The following MATCAP2 variants were observed in gnomAD, a reference collection of about 807,000 sequenced individuals.
MATCAP2 encodes putative tyrosine carboxypeptidase MATCAP2.
chr7:36,357,649 C>G, the MATCAP2 span: 1 of 1,271,652 alleles, frequency 7.9e-7, no homozygotes, highest in Non-Finnish European at 1.1e-6. Context: ...ATGAAGCAAA[C>G]TGTTTATTAG....
the MATCAP2 span, among the ~76,000 whole-genome samples, chr7:36,330,399 C>T: frequency 6.6e-6 from 1 of 151,880 alleles, no homozygotes; most frequent in East Asian, 1.9e-4. Flanking sequence ...CTGCCCAGCC[C>T]GAGTCTTAAC....
At chr7:36,332,594 A>G in the MATCAP2 span, among the ~76,000 whole-genome samples, 8 of 152,202 alleles carry the variant, frequency 5.3e-5, no homozygotes, top group Admixed American at 5.2e-4. Context: ...ACCATCACTA[A>G]TTTGAGTAAG....
At chr7:36,350,538 T>C in the MATCAP2 span, among the ~76,000 whole-genome samples, 7 of 141,978 alleles carry the variant, frequency 4.9e-5, no homozygotes, top group African/African-American at 1.8e-4. Context: ...GTTCCTTTTT[T>C]TTTTTTTTTT....
the MATCAP2 span, among the ~76,000 whole-genome samples, chr7:36,379,835 C>CAG: frequency 1.5e-5 from 2 of 134,196 alleles, no homozygotes; most frequent in Admixed American, 8.1e-5. Context: ...CACACACACA[C>CAG]ACACACACAC....
the MATCAP2 span, among the ~76,000 whole-genome samples, chr7:36,371,228 C>T: frequency 6.6e-6 from 1 of 152,132 alleles, no homozygotes; most frequent in African/African-American, 2.4e-5. Context: ...ACCTAAGCCT[C>T]AGCCTCCCAA....
At chr7:36,364,262 A>AT in the MATCAP2 span, among the ~76,000 whole-genome samples, 2 of 151,930 alleles carry the variant, frequency 1.3e-5, no homozygotes, top group East Asian at 1.9e-4. Flanking sequence ...TAATTTTTTA[A>AT]TTTTTTGTAG....
chr7:36,350,544 T>G, the MATCAP2 span, among the ~76,000 whole-genome samples: 3 of 151,078 alleles, frequency 2.0e-5, no homozygotes, highest in South Asian at 4.2e-4. Context: ...TTTTTTTTTT[T>G]TTTTTTTTGA....
At chr7:36,364,868 T>A in the MATCAP2 span, among the ~76,000 whole-genome samples, 1 of 152,212 alleles carries the variant, frequency 6.6e-6, no homozygotes, top group African/African-American at 2.4e-5. Flanking sequence ...AATGACCCAG[T>A]TATTTTTAAA....
the MATCAP2 span, chr7:36,334,041 CTG>C: frequency 6.2e-7 from 1 of 1,614,180 alleles, no homozygotes; most frequent in Non-Finnish European, 8.5e-7. Context: ...AAACAGAACA[CTG>C]TGAATGCTTG....
the MATCAP2 span, among the ~76,000 whole-genome samples, chr7:36,331,309 C>A: frequency 1.3e-5 from 2 of 152,126 alleles, no homozygotes; most frequent in African/African-American, 4.8e-5. Flanking sequence ...CCTCACACAT[C>A]CTCCCCGTTA....
chr7:36,390,188 C>G, the MATCAP2 span: 1 of 1,413,440 alleles, frequency 7.1e-7, no homozygotes, highest in Non-Finnish European at 9.7e-7. Context: ...CCGGGGTCGC[C>G]GCGGCTGCGG....
At chr7:36,377,327 T>C in the MATCAP2 span, among the ~76,000 whole-genome samples, 14 of 152,166 alleles carry the variant, frequency 9.2e-5, no homozygotes, top group Non-Finnish European at 1.6e-4. Context: ...ATTTGTTTGT[T>C]TATAAAGGAT....
At chr7:36,353,387 G>C in the MATCAP2 span, among the ~76,000 whole-genome samples, 1 of 151,854 alleles carries the variant, frequency 6.6e-6, no homozygotes, top group Non-Finnish European at 1.5e-5. Context: ...GCTGTTTTTT[G>C]TTGGCAAAGC....
the MATCAP2 span, among the ~76,000 whole-genome samples, chr7:36,362,250 C>T: frequency 6.6e-6 from 1 of 152,166 alleles, no homozygotes; most frequent in South Asian, 2.1e-4. Context: ...AATTCAATAG[C>T]AACCAATGTA....
At chr7:36,339,528 A>C in the MATCAP2 span, among the ~76,000 whole-genome samples, 26 of 152,320 alleles carry the variant, frequency 1.7e-4, no homozygotes, top group Admixed American at 1.5e-3. Context: ...GTGCATGTAA[A>C]ATGTGAGAGG....
chr7:36,331,639 AC>A, the MATCAP2 span, among the ~76,000 whole-genome samples: 1 of 152,352 alleles, frequency 6.6e-6, no homozygotes, highest in East Asian at 1.9e-4. Context: ...AACAACTAGA[AC>A]TAGATTTTGG....
the MATCAP2 span, among the ~76,000 whole-genome samples, chr7:36,348,933 C>T: frequency 1.3e-5 from 2 of 152,186 alleles, no homozygotes; most frequent in South Asian, 4.1e-4. Context: ...CCAGGAACTG[C>T]GCTCAATTCT....
chr7:36,364,044 CTT>C, the MATCAP2 span, among the ~76,000 whole-genome samples: 31 of 140,432 alleles, frequency 2.2e-4, no homozygotes, highest in Admixed American at 5.7e-4. Flanking sequence ...ATAATAAACC[CTT>C]TTTTTTTTTT....
the MATCAP2 span, chr7:36,367,405 C>T: frequency 6.5e-6 from 6 of 928,412 alleles, no homozygotes; most frequent in African/African-American, 5.4e-5. Flanking sequence ...TGCCCGCGAG[C>T]GCGCTGGGGT....
Sources: gnomAD v4.1 joint callset for allele counts (sites outside exome capture counted in the v4.1 genomes callset) on GRCh38, gnomAD v4.1.1 for gene constraint, MANE v1.5 for transcripts, NCBI Gene and HGNC (gene_info 2026-07-23, HGNC 2026-07-21) for gene names.